Variants in SEMA5A observed in about 807,000 individuals in gnomAD.
SEMA5A encodes semaphorin 5A.
A neutral mutation model predicts 135.5 loss-of-function variants in SEMA5A; 55 were observed. The observed-to-expected ratio is 0.41, with a 90% CI of 0.33 to 0.51. The LOEUF (loss-of-function observed/expected upper bound fraction) is 0.51. Ranked by LOEUF, SEMA5A falls within the 20% of genes least tolerant of loss-of-function variation. SEMA5A has a pLI of 0.37. For missense variants in SEMA5A, 1,290 were observed against 1,419.9 expected, an observed-to-expected ratio of 0.91 and a Z score of 1.47; for synonymous variants, 580 against 546.5, an observed-to-expected ratio of 1.06 and a Z score of -0.85.
At chr5:9,150,892 A>G (rs2150251123) in intron 12 of SEMA5A, among the ~76,000 whole-genome samples, 1 of 152,308 alleles carries the variant, frequency 6.6e-6, no homozygotes, top group East Asian at 1.9e-4. Flanking sequence ...ACACATGAAG[A>G]GTGCAATCCA....
chr5:9,287,677 TA>T (rs1461204246), intron 5 of SEMA5A, among the ~76,000 whole-genome samples: 1 of 152,180 alleles, frequency 6.6e-6, no homozygotes, highest in African/African-American at 2.4e-5. Context: ...AAAGTTTTAT[TA>T]AAACTCAGCC....
chr5:9,384,566 AG>A (rs1216488502), intron 2 of SEMA5A, among the ~76,000 whole-genome samples: 1 of 111,210 alleles, frequency 9.0e-6, no homozygotes, highest in African/African-American at 3.4e-5. Flanking sequence ...ATAGATAGAT[AG>A]ATACATAGAT....
intron 1 of SEMA5A, among the ~76,000 whole-genome samples, chr5:9,438,257 T>C (rs756620598): frequency 2.0e-5 from 3 of 152,142 alleles, no homozygotes; most frequent in Non-Finnish European, 4.4e-5. Flanking sequence ...GAACACATGG[T>C]ACCTTATACA....
chr5:9,115,184 A>C (rs1372722478), intron 15 of SEMA5A, among the ~76,000 whole-genome samples: 1 of 152,232 alleles, frequency 6.6e-6, no homozygotes, highest in Non-Finnish European at 1.5e-5. Context: ...GGAAAGGGAC[A>C]GAGAAAATAC....
intron 1 of SEMA5A, among the ~76,000 whole-genome samples, chr5:9,447,401 T>C (rs146977949): frequency 6.6e-6 from 1 of 152,350 alleles, no homozygotes; most frequent in Non-Finnish European, 1.5e-5. Flanking sequence ...CTGGAGTCAT[T>C]TTAGAATGTT....
At chr5:9,454,982 T>A (rs1399507022) in intron 1 of SEMA5A, among the ~76,000 whole-genome samples, 2 of 152,216 alleles carry the variant, frequency 1.3e-5, no homozygotes, top group African/African-American at 2.4e-5. Flanking sequence ...GAAGACTAAT[T>A]TCTATCATGA....
At chr5:9,240,986 G>T (rs547307714) in intron 5 of SEMA5A, among the ~76,000 whole-genome samples, 1 of 151,962 alleles carries the variant, frequency 6.6e-6, no homozygotes, top group Admixed American at 6.6e-5. Context: ...GTCATCTTTT[G>T]TCTTTTTCTA....
chr5:9,496,519 G>A (rs546560292), intron 1 of SEMA5A, among the ~76,000 whole-genome samples: 1 of 152,280 alleles, frequency 6.6e-6, no homozygotes, highest in East Asian at 1.9e-4. Context: ...CCACTGAACT[G>A]TAATGAAGCA....
chr5:9,146,202 C>T (rs1233688853), intron 12 of SEMA5A, among the ~76,000 whole-genome samples: 1 of 152,140 alleles, frequency 6.6e-6, no homozygotes, highest in South Asian at 2.1e-4. Context: ...TACCTTGGAA[C>T]CCCTCTTATC....
At chr5:9,061,799 G>A (rs952898983) in intron 18 of SEMA5A, among the ~76,000 whole-genome samples, 1 of 151,990 alleles carries the variant, frequency 6.6e-6, no homozygotes, top group Non-Finnish European at 1.5e-5. Context: ...TAGGCCCACA[G>A]GAGAGAAGAG....
At chr5:9,275,041 G>A (rs1254029685) in intron 5 of SEMA5A, among the ~76,000 whole-genome samples, 1 of 152,036 alleles carries the variant, frequency 6.6e-6, no homozygotes, top group Non-Finnish European at 1.5e-5. Context: ...ATGAATCCAG[G>A]AGCTGGTTTA....
chr5:9,336,536 A>G lies in SEMA5A; in HGVS notation c.224+1177T>C, dbSNP rs543093087. On this transcript the variant is annotated intron_variant, in intron 4 of 22. Coordinates refer to ENST00000382496, the MANE Select transcript of SEMA5A (RefSeq NM_003966.3). Reference sequence around the variant, plus strand: ...TATTGCTACTGGACTAAGGTAAGGAAGAGAACACCAAGTAGCCTTGTCCAA... The same window carrying G: ...TATTGCTACTGGACTAAGGTAAGGAGGAGAACACCAAGTAGCCTTGTCCAA... 1.2e-3 allele frequency among the ~76,000 whole-genome samples: 184 copies of G among 152,328 alleles called. 1 individual carries two copies. Among genetic ancestry groups the G allele is most frequent in the Middle Eastern group, 3.4e-3 (1 of 294 alleles).
intron 5 of SEMA5A, among the ~76,000 whole-genome samples, chr5:9,291,344 T>C (rs912847586): frequency 2.4e-4 from 36 of 152,156 alleles, no homozygotes; most frequent in African/African-American, 8.7e-4. Context: ...TGGAGTCTAT[T>C]TCTCTACCAC....
At chr5:9,475,483 C>A (rs1759637157) in intron 1 of SEMA5A, among the ~76,000 whole-genome samples, 1 of 152,144 alleles carries the variant, frequency 6.6e-6, no homozygotes, top group Admixed American at 6.5e-5. Flanking sequence ...CAGGTCAAAG[C>A]AGGACAAACA....
chr5:9,071,851 G>T (rs1346737148), intron 16 of SEMA5A, among the ~76,000 whole-genome samples: 1 of 152,180 alleles, frequency 6.6e-6, no homozygotes, highest in Non-Finnish European at 1.5e-5. Flanking sequence ...GGCCTGCTGA[G>T]ACTGAAAGCA....
intron 1 of SEMA5A, among the ~76,000 whole-genome samples, chr5:9,474,081 G>A (rs941604927): frequency 2.0e-5 from 3 of 152,114 alleles, no homozygotes; most frequent in African/African-American, 7.2e-5. Context: ...TTAAATATTA[G>A]AAAGACGGTG....
chr5:9,200,420 C>G (rs980342413), intron 9 of SEMA5A, among the ~76,000 whole-genome samples: 1 of 152,218 alleles, frequency 6.6e-6, no homozygotes, highest in African/African-American at 2.4e-5. Flanking sequence ...AAACCAGACT[C>G]TCCTTGTGCA....
chr5:9,540,149 G>A (rs543700989), intron 1 of SEMA5A, among the ~76,000 whole-genome samples: 19 of 152,234 alleles, frequency 1.2e-4, no homozygotes, highest in Admixed American at 5.2e-4. Context: ...AAGATGGCCC[G>A]AGAGCCTCCT....
chr5:9,378,413 T>A (rs1219799816), intron 3 of SEMA5A, among the ~76,000 whole-genome samples: 1 of 152,222 alleles, frequency 6.6e-6, no homozygotes, highest in Non-Finnish European at 1.5e-5. Context: ...GCTGTGATCA[T>A]CAATGACTGA....
Sources: allele counts gnomAD v4.1 joint callset (sites outside exome capture counted in the v4.1 genomes callset), GRCh38; gene constraint gnomAD v4.1.1; transcripts MANE v1.5; gene names NCBI Gene and HGNC (gene_info 2026-07-23, HGNC 2026-07-21).